Variants in ALOX12 observed in about 807,000 individuals in gnomAD.
ALOX12 encodes arachidonate 12-lipoxygenase, 12S type, also known as polyunsaturated fatty acid lipoxygenase ALOX12.
A neutral mutation model predicts 85.5 loss-of-function variants in ALOX12; 62 were observed. That is an observed-to-expected ratio of 0.73 (90% CI 0.59 to 0.90). The LOEUF (loss-of-function observed/expected upper bound fraction) is 0.90. Among genes scored for constraint, ALOX12 ranks in the 40% least tolerant of loss-of-function variants. The pLI, the probability that ALOX12 is intolerant of heterozygous loss-of-function variation, is 0.00. For missense variants in ALOX12, 751 were observed against 856.5 expected (o/e 0.88, Z 1.54); for synonymous variants, 299 against 332.7 (o/e 0.90, Z 1.10).
rs1485624462 is a variant in ALOX12, at chr17:7,001,962, TAA to T, written c.1161+152_1161+153del. ...AATATCTTGAGATGTTGATTTTAAT[TAA>T]GTTTATTAAGTTTAGTCACTTAACA... On this transcript the variant is annotated intron_variant, in intron 8 of 13. Transcript: ENST00000251535. 17 of 649,230 alleles carry T rather than the reference TAA, an allele frequency of 2.6e-5. No individual in the cohort carries two copies. In the Admixed American group the frequency reaches 5.0e-4, roughly 19 times the overall value. The allele number at this position is 649,230 out of a possible 1,614,324, so 40.2% of individuals were successfully genotyped here. A position where few individuals can be genotyped will look rare whatever the true frequency, so the allele number is the denominator to read the frequency against.
Position 7,010,569 on chromosome 17 carries a change from C to A in ALOX12, c.*146C>A. 1 of 981,164 alleles carries A rather than the reference C, an allele frequency of 1.0e-6. No homozygotes were observed. Among genetic ancestry groups the A allele is most frequent in the Non-Finnish European group, 1.4e-6 (1 of 691,546 alleles). 60.8% of individuals were successfully genotyped at this position (981,164 alleles called of 1,614,324 possible). ...CCCCCTACATTAGTATCCCACTAGCCCAGGGGAGCAGTAAACTTTCTCTGC... is the reference window on the plus strand; with the variant it reads ...CCCCCTACATTAGTATCCCACTAGCACAGGGGAGCAGTAAACTTTCTCTGC... On this transcript the variant is annotated 3_prime_UTR_variant, in exon 14 of 14. Coordinates refer to ENST00000251535, the MANE Select transcript of ALOX12 (RefSeq NM_000697.3).
chr17:7,004,563 A>T (rs1289208889), intron 8 of ALOX12, among the ~76,000 whole-genome samples: 2 of 151,202 alleles, frequency 1.3e-5, no homozygotes, highest in Non-Finnish European at 2.9e-5. Flanking sequence ...TATTAAAAAA[A>T]GACCATGGCC....
intron 2 of ALOX12, among the ~76,000 whole-genome samples, chr17:6,998,296 G>T (rs1171854396): frequency 6.6e-6 from 1 of 152,184 alleles, no homozygotes; most frequent in African/African-American, 2.4e-5. Flanking sequence ...ACAGGCAAAG[G>T]ATGAGGGCTG....
At chr17:7,001,989 A>G (rs764270877) in intron 8 of ALOX12, 178 bp downstream of exon 8, 41 of 616,010 alleles carry the variant, frequency 6.7e-5, no homozygotes, top group Non-Finnish European at 9.6e-5. Context: ...GTCACTTAAC[A>G]TTATATAGGA....
At chr17:6,999,842 A>C (rs1441183042) in intron 6 of ALOX12, among the ~76,000 whole-genome samples, 1 of 152,118 alleles carries the variant, frequency 6.6e-6, no homozygotes, top group Admixed American at 6.6e-5. Context: ...GAAGCAATGG[A>C]CTGTACTGAG....
Position 6,998,946 on chromosome 17 carries a change from G to A in ALOX12, c.543-7G>A. 2 of 1,614,142 alleles carry A rather than the reference G, an allele frequency of 1.2e-6. No individual in the cohort carries two copies. The highest frequency in any genetic ancestry group is 2.2e-5 in the South Asian group (2 of 91,084). ...GCTGATGAGTTAAGCCTCAATACCT[G>A]TCCTAGGGCTCTGGAGATGGCCCTC... On this transcript the variant is annotated splice_polypyrimidine_tract_variant and splice_region_variant and intron_variant, in intron 4 of 13. Transcript: ENST00000251535.
Position 7,010,064 on chromosome 17 carries a change from G to A in ALOX12, c.1750G>A (p.Val584Ile). Residue 584 changes from valine to isoleucine, a missense_variant, in exon 13 of 14, where the codon GTC becomes ATC. By Grantham distance (29) the Val-to-Ile change is conservative (BLOSUM62 3). Coordinates refer to ENST00000251535, the MANE Select transcript of ALOX12 (RefSeq NM_000697.3). ...CACAGTGATGGGGTCACTACCTGAT[G>A]TCCGGCAGGCCTGTCTTCAAATGGC... ...MATVMGSLPD[V>I]RQACLQMAIS... 3.1e-6 allele frequency: 5 copies of A among 1,614,214 alleles called. No individual in the cohort carries two copies. Among genetic ancestry groups the A allele is most frequent in the Admixed American group, 1.7e-5 (1 of 60,026 alleles).
intron 11 of ALOX12, among the ~76,000 whole-genome samples, chr17:7,008,092 A>G (rs1909179850): frequency 6.6e-6 from 1 of 152,194 alleles, no homozygotes; most frequent in Non-Finnish European, 1.5e-5. Flanking sequence ...AAAGGTATCA[A>G]ACCCATTCAG....
intron 11 of ALOX12, among the ~76,000 whole-genome samples, chr17:7,006,978 G>A (rs1013112684): frequency 6.6e-6 from 1 of 152,052 alleles, no homozygotes. Context: ...GATGTAAATG[G>A]GAAGATTTTC....
chr17:6,998,401 G>A, intron 2 of ALOX12, 108 bp from the exon 3 acceptor site: 1 of 747,294 alleles, frequency 1.3e-6, no homozygotes, highest in African/African-American at 1.7e-5. Flanking sequence ...AAAAGCAACA[G>A]TGCATGGCTG....
rs1400675157 is a variant in ALOX12 at position 7,005,106 on chromosome 17, G to A, written c.1162-151G>A. On this transcript the variant is annotated intron_variant, in intron 8 of 13. Transcript: ENST00000251535. ...GGGCCCAACTCACAGGGAAGTTGGA[G>A]AGCACAAGAGTGAGTGATCAGAACA... is the stretch of plus-strand genomic sequence containing the variant. 38 of 724,954 alleles carry A rather than the reference G, an allele frequency of 5.2e-5. No individual in the cohort carries two copies. In the Admixed American group the frequency reaches 7.8e-4, roughly 15 times the overall value. 44.9% of individuals were successfully genotyped at this position (724,954 alleles called of 1,614,324 possible).
At position 7,009,843 on chromosome 17, in the gene ALOX12, G is replaced by GA; in HGVS notation, c.1637_1638insA (p.Gln547ProfsTer10). On this transcript the variant is annotated frameshift_variant, in exon 12 of 14. Transcript: ENST00000251535. LOFTEE classifies it high-confidence loss of function. The stretch of plus-strand genomic sequence containing the variant: ...GCCCAGCATGCCGCCATCAACCAGG[G>GA]CCAGGTATGGACAGCTGAAAGCCCA... 2 of 1,614,190 alleles carry GA rather than the reference G, an allele frequency of 1.2e-6. No individual in the cohort carries two copies. Among genetic ancestry groups the GA allele is most frequent in the Non-Finnish European group, 1.7e-6 (2 of 1,180,032 alleles).
Position 7,001,662 on chromosome 17 carries a change from C to G in ALOX12, c.1012C>G (p.Leu338Val). ...ACTGTTCCTGCCCTCAGACCCCCCACTTGCCTGGCTCCTGGCAAAGTCCTG... is the reference window on the plus strand; with the variant it reads ...ACTGTTCCTGCCCTCAGACCCCCCAGTTGCCTGGCTCCTGGCAAAGTCCTG... ...PTLFLPSDPP[L>V]AWLLAKSWVR... The change falls in exon 8 of 14, where the codon CTT becomes GTT. Residue 338 changes from leucine (L) to valine (V), a missense_variant. Coordinates refer to ENST00000251535, the MANE Select transcript of ALOX12 (RefSeq NM_000697.3). 6.2e-7 allele frequency: 1 copy of G among 1,614,210 alleles called. No individual in the cohort carries two copies. The highest frequency in any genetic ancestry group is 8.5e-7 in the Non-Finnish European group (1 of 1,180,026).
Position 7,004,130 on chromosome 17 carries a change from AATAAAT to A in ALOX12, c.1162-1125_1162-1120del, listed in dbSNP as rs1475059751. 3.4e-4 allele frequency among the ~76,000 whole-genome samples: 48 copies of A among 140,284 alleles called. 1 individual carries two copies. The highest frequency in any genetic ancestry group is 5.5e-4 in the Non-Finnish European group (36 of 65,062). The allele number at this position is 140,284 out of a possible 152,430, so 92.0% of individuals were successfully genotyped here. Reference sequence around the variant, plus strand: ...AATTAAAATTTTAATTTTAATTTTAAATAAATAATTAAAATTTAAATAAATTTAAAT... The same window carrying A: ...AATTAAAATTTTAATTTTAATTTTAAAATTAAAATTTAAATAAATTTAAAT... On this transcript the variant is annotated intron_variant, in intron 8 of 13. Transcript: ENST00000251535.
chr17:6,998,582 G>T lies in ALOX12; in HGVS notation c.411G>T (p.Gln137His). The change falls in exon 3 of 14, where the codon CAG (glutamine) becomes CAT (histidine). Residue 137 changes from glutamine to histidine, a missense_variant. Coordinates refer to ENST00000251535, the MANE Select transcript of ALOX12 (RefSeq NM_000697.3). The stretch of plus-strand genomic sequence containing the variant: ...AGAAGGAACTGAAAGACAGACAGCA[G>T]ATCTACTGGTGACCACCCACCCCTT... ...HREKELKDRQ[Q>H]IYCWATWKEG... The T allele has an allele frequency of 6.2e-7, 1 of 1,613,684 alleles. No individual in the cohort carries two copies. The highest frequency in any genetic ancestry group is 8.5e-7 in the Non-Finnish European group (1 of 1,179,636).
chr17:7,004,694 T>G (rs1461889014), intron 8 of ALOX12, among the ~76,000 whole-genome samples: 2 of 152,090 alleles, frequency 1.3e-5, no homozygotes, highest in Admixed American at 1.3e-4. Flanking sequence ...ACAGAAAGTA[T>G]TCTCCCCATC....
chr17:6,999,238 G>C, intron 5 of ALOX12, 68 bp from the exon 6 acceptor site: 1 of 1,600,906 alleles, frequency 6.2e-7, no homozygotes, highest in Non-Finnish European at 8.5e-7. Context: ...CTGAACCCCT[G>C]GGGTAGATTT....
rs1158638990 is a variant in ALOX12, at chr17:7,005,315, T to G, written c.1220T>G (p.Leu407Arg). The G allele has an allele frequency of 1.2e-6, 2 of 1,613,504 alleles. No homozygotes were observed. The highest frequency in any genetic ancestry group is 1.7e-6 in the Non-Finnish European group (2 of 1,179,726). Residue 407 changes from leucine (L) to arginine (R), a missense_variant, in exon 9 of 14, where the codon CTC becomes CGC. Coordinates refer to ENST00000251535, the MANE Select transcript of ALOX12 (RefSeq NM_000697.3). ...MEINTRARTQ[L>R]ISDGGIFDKA... The stretch of plus-strand genomic sequence containing the variant: ...ATCAACACCCGGGCCCGGACCCAAC[T>G]CATCTCAGATGGAGGAATTTTTGAT...
chr17:7,006,513 C>T lies in ALOX12; in HGVS notation c.1446C>T (p.Phe482=). ...ATGTGGAGGGGATCGTCCACCTCTTCTACCAAAGGGATGACATAGTGAAGG... is the reference window on the plus strand; with the variant it reads ...ATGTGGAGGGGATCGTCCACCTCTTTTACCAAAGGGATGACATAGTGAAGG... ...ARYVEGIVHL[F]YQRDDIVKGD... Residue 482 remains phenylalanine, a synonymous_variant, in exon 11 of 14, where the codon TTC becomes TTT. Transcript: ENST00000251535. 6.2e-7 allele frequency: 1 copy of T among 1,613,828 alleles called. No individual in the cohort carries two copies. Among genetic ancestry groups the T allele is most frequent in the Non-Finnish European group, 8.5e-7 (1 of 1,179,902 alleles).
Sources: gnomAD v4.1 joint callset for allele counts (sites outside exome capture counted in the v4.1 genomes callset) on GRCh38, gnomAD v4.1.1 for gene constraint, MANE v1.5 for transcripts, NCBI Gene and HGNC (gene_info 2026-07-23, HGNC 2026-07-21) for gene names.